The following BRD10 variants were observed in gnomAD, a reference collection of about 807,000 sequenced individuals.
BRD10 encodes bromodomain containing 10.
chr9:5,942,122 T>C, the BRD10 span, among the ~76,000 whole-genome samples: 1 of 152,146 alleles, frequency 6.6e-6, no homozygotes, highest in Non-Finnish European at 1.5e-5. Context: ...TCCAGATACT[T>C]AGTTTTGACA....
chr9:5,950,153 G>A, the BRD10 span, among the ~76,000 whole-genome samples: 1 of 152,112 alleles, frequency 6.6e-6, no homozygotes, highest in Non-Finnish European at 1.5e-5. Context: ...AATTCTTGTA[G>A]GCTTAATCAT....
At chr9:5,925,402 C>T in the BRD10 span, among the ~76,000 whole-genome samples, 10 of 151,134 alleles carry the variant, frequency 6.6e-5, 1 homozygote, top group Non-Finnish European at 1.2e-4. Context: ...TTATATATAT[C>T]TGCAAATTTC....
the BRD10 span, among the ~76,000 whole-genome samples, chr9:5,936,745 T>C: frequency 1.3e-5 from 2 of 152,300 alleles, no homozygotes; most frequent in Middle Eastern, 3.4e-3. Flanking sequence ...TCTTCTATAA[T>C]ACAAAAACTA....
chr9:5,938,153 G>T, the BRD10 span, among the ~76,000 whole-genome samples: 1 of 151,986 alleles, frequency 6.6e-6, no homozygotes, highest in African/African-American at 2.4e-5. Context: ...AAAGGACAGG[G>T]GCTAGCCCAA....
chr9:5,931,520 A>G, the BRD10 span, among the ~76,000 whole-genome samples: 35 of 152,286 alleles, frequency 2.3e-4, no homozygotes, highest in African/African-American at 7.9e-4. Flanking sequence ...TGATCAGAGA[A>G]CAGACTTCTT....
At chr9:5,898,211 TAA>T in the BRD10 span, 1 of 151,716 alleles carries the variant, frequency 6.6e-6, no homozygotes, top group South Asian at 2.1e-4. Flanking sequence ...ACCGGCTAAT[TAA>T]AAAAAAACTT....
the BRD10 span, among the ~76,000 whole-genome samples, chr9:5,884,493 TG>T: frequency 6.6e-6 from 1 of 152,202 alleles, no homozygotes; most frequent in African/African-American, 2.4e-5. Flanking sequence ...CCTAAACCAC[TG>T]GGATGTCACC....
At chr9:5,969,425 T>G in the BRD10 span, 33 of 1,562,314 alleles carry the variant, frequency 2.1e-5, no homozygotes, top group Non-Finnish European at 2.9e-5. Flanking sequence ...TTTTCTTTCC[T>G]GCTCCCGAAG....
the BRD10 span, among the ~76,000 whole-genome samples, chr9:5,934,989 T>C: frequency 0.042 from 6,349 of 152,260 alleles, 145 homozygotes; most frequent in Middle Eastern, 0.061. Flanking sequence ...CTACAGAAAC[T>C]ACCACCATAC....
the BRD10 span, chr9:5,968,099 G>C: frequency 4.5e-6 from 7 of 1,567,354 alleles, no homozygotes; most frequent in Non-Finnish European, 6.1e-6. Context: ...AGACTTGAAT[G>C]CAAGAGAATG....
At chr9:5,984,008 C>G in the BRD10 span, among the ~76,000 whole-genome samples, 1 of 150,126 alleles carries the variant, frequency 6.7e-6, no homozygotes, top group Non-Finnish European at 1.5e-5. Flanking sequence ...CACACACACC[C>G]CTCTCCATCC....
At chr9:5,882,694 C>T in the BRD10 span, among the ~76,000 whole-genome samples, 1 of 152,196 alleles carries the variant, frequency 6.6e-6, no homozygotes, top group Non-Finnish European at 1.5e-5. Context: ...CCTTTAAAAA[C>T]CCTTGTCTTC....
At chr9:5,937,371 C>A in the BRD10 span, among the ~76,000 whole-genome samples, 3 of 150,290 alleles carry the variant, frequency 2.0e-5, no homozygotes, top group East Asian at 2.0e-4. Context: ...ACCATCTCTA[C>A]TAAAAGTACA....
the BRD10 span, among the ~76,000 whole-genome samples, chr9:5,903,105 T>A: frequency 7.0e-6 from 1 of 143,884 alleles, no homozygotes; most frequent in East Asian, 1.9e-4. Flanking sequence ...AGAAGTGTGT[T>A]GTTTAATCTC....
At chr9:5,920,663 G>C in the BRD10 span, 91 of 1,614,028 alleles carry the variant, frequency 5.6e-5, no homozygotes, top group South Asian at 8.8e-4. Context: ...TTGTCTTTTA[G>C]AAATAGATAC....
the BRD10 span, among the ~76,000 whole-genome samples, chr9:6,006,050 A>T: frequency 6.6e-6 from 1 of 152,240 alleles, no homozygotes; most frequent in Non-Finnish European, 1.5e-5. Flanking sequence ...AGAACCAAAA[A>T]ATTAACACAA....
At chr9:6,008,287 G>C in the BRD10 span, 5 of 984,848 alleles carry the variant, frequency 5.1e-6, no homozygotes, top group Non-Finnish European at 6.0e-6. Context: ...CTACCTGCGG[G>C]GGACACGGGC....
At chr9:5,995,804 C>T in the BRD10 span, among the ~76,000 whole-genome samples, 1 of 152,046 alleles carries the variant, frequency 6.6e-6, no homozygotes, top group East Asian at 1.9e-4. Context: ...TCATATTATT[C>T]AAATATATTC....
chr9:5,934,246 T>C, the BRD10 span, among the ~76,000 whole-genome samples: 1 of 152,294 alleles, frequency 6.6e-6, no homozygotes, highest in African/African-American at 2.4e-5. Flanking sequence ...AAATATGTTG[T>C]TAGATCACAG....
Sources: gnomAD v4.1 joint callset for allele counts (sites outside exome capture counted in the v4.1 genomes callset) on GRCh38, gnomAD v4.1.1 for gene constraint, MANE v1.5 for transcripts, NCBI Gene and HGNC (gene_info 2026-07-23, HGNC 2026-07-21) for gene names.